The following MTUS1 variants were observed in gnomAD, a reference collection of about 807,000 sequenced individuals.
MTUS1 encodes microtubule-associated tumor suppressor 1.
Under a neutral mutation model 120.8 loss-of-function variants are expected in MTUS1, and 109 were observed. The ratio of observed to expected loss-of-function variants is 0.90; its 90% confidence interval spans 0.77 to 1.06. The LOEUF (loss-of-function observed/expected upper bound fraction) is 1.06, where lower values mean the gene tolerates loss of function less well. MTUS1 is among the 50% of genes least tolerant of loss of function. MTUS1 has a pLI of 0.00. For synonymous variants in MTUS1, 737 were observed against 550.5 expected, an observed-to-expected ratio of 1.34 and a Z score of -4.74; for missense variants, 2,210 against 1,486.3, an observed-to-expected ratio of 1.49 and a Z score of -8.01.
At chr8:17,658,454 G>C (rs1808936400) in intron 8 of MTUS1, among the ~76,000 whole-genome samples, 1 of 152,096 alleles carries the variant, frequency 6.6e-6, no homozygotes, top group African/African-American at 2.4e-5. Context: ...ATAAATCCTA[G>C]AAAATCTTGA....
chr8:17,787,830 AAG>A (rs1337923800), intron 1 of MTUS1, among the ~76,000 whole-genome samples: 1 of 152,216 alleles, frequency 6.6e-6, no homozygotes, highest in East Asian at 1.9e-4. Context: ...TCCAGTCACG[AAG>A]ACTTTCTGGC....
At chr8:17,742,053 C>A (rs2047354679) in intron 3 of MTUS1, among the ~76,000 whole-genome samples, 1 of 152,092 alleles carries the variant, frequency 6.6e-6, no homozygotes, top group Non-Finnish European at 1.5e-5. Context: ...TCTGCAAGCA[C>A]CATGAGCCTT....
chr8:17,765,046 G>C (rs971661669), intron 1 of MTUS1, among the ~76,000 whole-genome samples: 1 of 152,220 alleles, frequency 6.6e-6, no homozygotes, highest in Non-Finnish European at 1.5e-5. Flanking sequence ...CCATCTGGAA[G>C]TGATGGGAGA....
rs1485900771 is a variant in MTUS1 at position 17,656,073 on chromosome 8, C to G, written c.2906-8G>C. On this transcript the variant is annotated splice_region_variant and splice_polypyrimidine_tract_variant and intron_variant, in intron 8 of 14. Coordinates refer to ENST00000693296, the MANE Select transcript of MTUS1 (RefSeq NM_001363059.2). ...AGGTGGTTGAAGCAGTGACTGAAAA[C>G]AGAGGAGAAAGAAGAGGGAAGAGGT... The G allele has an allele frequency of 5.6e-6, 9 of 1,613,766 alleles. No individual in the cohort carries two copies. The highest frequency in any genetic ancestry group is 1.1e-5 in the South Asian group (1 of 91,076).
intron 3 of MTUS1, among the ~76,000 whole-genome samples, chr8:17,739,291 G>A (rs990151637): frequency 6.6e-5 from 10 of 151,808 alleles, no homozygotes; most frequent in African/African-American, 2.4e-4. Flanking sequence ...GTCGGGAGTT[G>A]GAGACCAGCC....
At chr8:17,770,923 C>G (rs2049976482) in intron 1 of MTUS1, among the ~76,000 whole-genome samples, 1 of 152,182 alleles carries the variant, frequency 6.6e-6, no homozygotes, top group African/African-American at 2.4e-5. Context: ...TCAGCATTCA[C>G]TGTGGCTGGG....
intron 1 of MTUS1, among the ~76,000 whole-genome samples, chr8:17,780,320 C>T: frequency 6.6e-6 from 1 of 152,232 alleles, no homozygotes; most frequent in East Asian, 1.9e-4. Context: ...CACATGCCAG[C>T]AACATGCTTC....
At chr8:17,659,226 G>A (rs1339532155) in intron 8 of MTUS1, among the ~76,000 whole-genome samples, 1 of 152,112 alleles carries the variant, frequency 6.6e-6, no homozygotes, top group Non-Finnish European at 1.5e-5. Flanking sequence ...CTTGTGCTGG[G>A]GCTGGCAAGG....
intron 3 of MTUS1, among the ~76,000 whole-genome samples, chr8:17,724,817 G>A (rs2046105022): frequency 1.3e-5 from 2 of 152,140 alleles, no homozygotes; most frequent in South Asian, 2.1e-4. Flanking sequence ...CTCACCTGCA[G>A]CCCTATCTTC....
At chr8:17,761,099 T>A (rs993729984) in intron 1 of MTUS1, among the ~76,000 whole-genome samples, 4 of 152,052 alleles carry the variant, frequency 2.6e-5, no homozygotes, top group African/African-American at 9.7e-5. Context: ...GAGCAGCTCC[T>A]CTTAAACGGT....
At chr8:17,717,540 A>G (rs189559645) in intron 4 of MTUS1, among the ~76,000 whole-genome samples, 97 of 152,366 alleles carry the variant, frequency 6.4e-4, no homozygotes, top group Admixed American at 2.7e-3. Flanking sequence ...TCAGCAACAA[A>G]TAAGTCACTT....
chr8:17,749,106 G>A (rs1373785460), intron 2 of MTUS1, among the ~76,000 whole-genome samples: 2 of 152,148 alleles, frequency 1.3e-5, no homozygotes, highest in African/African-American at 4.8e-5. Flanking sequence ...GGAAGGGGGA[G>A]TCAGACATAA....
At chr8:17,794,304 G>A (rs768739047) in intron 1 of MTUS1, among the ~76,000 whole-genome samples, 1 of 151,574 alleles carries the variant, frequency 6.6e-6, no homozygotes, top group Non-Finnish European at 1.5e-5. Context: ...CTCCAGCCTG[G>A]GCAACAAGAG....
intron 8 of MTUS1, among the ~76,000 whole-genome samples, chr8:17,673,514 C>T (rs1156823868): frequency 7.9e-5 from 12 of 152,150 alleles, no homozygotes; most frequent in Non-Finnish European, 1.8e-4. Flanking sequence ...GGCAGCAGCA[C>T]AATGACAGCT....
intron 6 of MTUS1, among the ~76,000 whole-genome samples, chr8:17,686,371 C>G (rs1815802707): frequency 6.6e-6 from 1 of 152,202 alleles, no homozygotes; most frequent in Non-Finnish European, 1.5e-5. Flanking sequence ...AGCCCATTAT[C>G]TGATAACTCA....
intron 6 of MTUS1, among the ~76,000 whole-genome samples, chr8:17,685,011 A>T (rs1021536925): frequency 1.3e-5 from 2 of 152,146 alleles, no homozygotes; most frequent in African/African-American, 2.4e-5. Flanking sequence ...TTCCCTGATG[A>T]TGGCCTAGCC....
At chr8:17,682,596 G>C (rs1247795906) in intron 7 of MTUS1, among the ~76,000 whole-genome samples, 2 of 151,774 alleles carry the variant, frequency 1.3e-5, no homozygotes, top group African/African-American at 4.8e-5. Context: ...TGGCATGAAT[G>C]GGGACAGCAA....
chr8:17,756,310 G>A (rs1201302751), intron 1 of MTUS1, among the ~76,000 whole-genome samples: 3 of 152,128 alleles, frequency 2.0e-5, no homozygotes, highest in Non-Finnish European at 4.4e-5. Context: ...GGCTGACAGA[G>A]TGACAATTCA....
chr8:17,694,436 C>T (rs1021955646), intron 6 of MTUS1, among the ~76,000 whole-genome samples: 15 of 152,172 alleles, frequency 9.9e-5, no homozygotes, highest in African/African-American at 3.6e-4. Flanking sequence ...GAGGCTGAGG[C>T]AGGCGAATTG....
Sources: allele counts gnomAD v4.1 joint callset (sites outside exome capture counted in the v4.1 genomes callset), GRCh38; gene constraint gnomAD v4.1.1; transcripts MANE v1.5; gene names NCBI Gene and HGNC (gene_info 2026-07-23, HGNC 2026-07-21).